Variants in CNTN4 observed in about 807,000 individuals in gnomAD.
The protein encoded by CNTN4 is contactin-4.
CNTN4 carries 77 observed loss-of-function variants against 122.5 expected under a neutral mutation model. The ratio of observed to expected loss-of-function variants is 0.63; its 90% CI spans 0.52 to 0.76. CNTN4 has a LOEUF of 0.76. CNTN4 is among the 30% of genes least tolerant of loss of function. The pLI is 0.00. For synonymous variants in CNTN4, 512 were observed against 447.0 expected (o/e 1.15, Z -1.83); for missense variants, 1,256 against 1,259.1 (o/e 1.00, Z 0.04).
At chr3:2,743,474 A>G (rs1225008007) in intron 5 of CNTN4, among the ~76,000 whole-genome samples, 3 of 152,152 alleles carry the variant, frequency 2.0e-5, no homozygotes, top group Non-Finnish European at 4.4e-5. Context: ...TCATGTTTCT[A>G]TTTCATGCTC....
At chr3:2,990,850 A>G (rs533901084) in intron 14 of CNTN4, among the ~76,000 whole-genome samples, 1 of 152,254 alleles carries the variant, frequency 6.6e-6, no homozygotes, top group Non-Finnish European at 1.5e-5. Context: ...AGTATAGGAT[A>G]TAGTTTTAGG....
At chr3:2,473,767 C>A (rs1413536479) in intron 3 of CNTN4, among the ~76,000 whole-genome samples, 1 of 152,110 alleles carries the variant, frequency 6.6e-6, no homozygotes, top group Non-Finnish European at 1.5e-5. Flanking sequence ...AATCCCAGCA[C>A]TTTGGGAGGC....
chr3:2,783,403 C>T (rs1404376667), intron 6 of CNTN4, among the ~76,000 whole-genome samples: 2 of 152,192 alleles, frequency 1.3e-5, no homozygotes, highest in East Asian at 3.8e-4. Context: ...CTTCCTGTCC[C>T]TCTCCACACT....
At chr3:2,759,995 A>C (rs527404662) in intron 6 of CNTN4, among the ~76,000 whole-genome samples, 1 of 152,238 alleles carries the variant, frequency 6.6e-6, no homozygotes, top group South Asian at 2.1e-4. Flanking sequence ...ACTTCTATTC[A>C]AATCCTTTGC....
chr3:2,946,381 T>A (rs997101234), intron 13 of CNTN4, among the ~76,000 whole-genome samples: 2 of 152,216 alleles, frequency 1.3e-5, no homozygotes, highest in African/African-American at 4.8e-5. Flanking sequence ...ATGGTAAAAC[T>A]GAGGTTAGAT....
At chr3:2,603,805 A>T (rs1410503415) in intron 4 of CNTN4, among the ~76,000 whole-genome samples, 3 of 152,218 alleles carry the variant, frequency 2.0e-5, no homozygotes, top group African/African-American at 7.2e-5. Context: ...TCTTCTGCTT[A>T]ATAGCTTTGT....
At chr3:2,170,533 G>A (rs1036074318) in intron 2 of CNTN4, among the ~76,000 whole-genome samples, 6 of 152,166 alleles carry the variant, frequency 3.9e-5, no homozygotes, top group Non-Finnish European at 7.3e-5. Flanking sequence ...TTCTAAGGAT[G>A]TCACATGTGC....
chr3:2,287,632 GAGAAGA>G (rs1210971247), intron 2 of CNTN4, among the ~76,000 whole-genome samples: 46 of 49,494 alleles, frequency 9.3e-4, no homozygotes, highest in African/African-American at 3.1e-3. Flanking sequence ...GAAGGAGAAG[GAGAAGA>G]AGAAGAAGAA....
Position 2,943,633 on chromosome 3 carries a change from T to A in CNTN4, c.1358+17854T>A, listed in dbSNP as rs865922823. Among the ~76,000 whole-genome samples the A allele has an allele frequency of 2.9e-3, 420 of 144,972 alleles. 4 individuals carry two copies. The highest frequency in any genetic ancestry group is 0.015 in the East Asian group (77 of 5,038). ...ATATTTATATATATATATATATATT[T>A]TTTTTTTTTGAGACGGAGTCTTGCT... On this transcript the variant is annotated intron_variant, in intron 13 of 24. Coordinates refer to ENST00000418658, the MANE Select transcript of CNTN4 (RefSeq NM_175607.3).
At chr3:2,567,081 A>ATTTTTTT (rs373707875) in intron 3 of CNTN4, among the ~76,000 whole-genome samples, 1 of 103,314 alleles carries the variant, frequency 9.7e-6, no homozygotes. Context: ...CAAGTCCAGA[A>ATTTTTTT]TTTTTTTTTT....
At chr3:2,544,516 A>G (rs758316113) in intron 3 of CNTN4, among the ~76,000 whole-genome samples, 1 of 152,146 alleles carries the variant, frequency 6.6e-6, no homozygotes, top group African/African-American at 2.4e-5. Context: ...AATAAAAACA[A>G]TATGAGTTTC....
intron 14 of CNTN4, among the ~76,000 whole-genome samples, chr3:3,009,898 C>T (rs1697053288): frequency 6.6e-6 from 1 of 151,224 alleles, no homozygotes; most frequent in South Asian, 2.1e-4. Flanking sequence ...GGGCCATTTC[C>T]TTGTGGAACT....
At chr3:2,347,853 C>CT (rs149954209) in intron 3 of CNTN4, among the ~76,000 whole-genome samples, 19,239 of 151,398 alleles carry the variant, frequency 0.13, 1,514 homozygotes, top group Non-Finnish European at 0.18. Flanking sequence ...TTTGGTTTAT[C>CT]TTTTTTTTAA....
intron 3 of CNTN4, among the ~76,000 whole-genome samples, chr3:2,532,769 G>A (rs879598616): frequency 3.9e-5 from 6 of 152,088 alleles, no homozygotes; most frequent in Non-Finnish European, 8.8e-5. Context: ...ACTCTTTCGT[G>A]TCATACAGTA....
chr3:2,913,700 C>T (rs982467312), intron 12 of CNTN4, among the ~76,000 whole-genome samples: 20 of 152,078 alleles, frequency 1.3e-4, no homozygotes, highest in Non-Finnish European at 2.6e-4. Context: ...GAAATAGCAG[C>T]ACAATAGTAG....
chr3:2,327,513 T>C (rs1210224698), intron 2 of CNTN4, among the ~76,000 whole-genome samples: 1 of 152,218 alleles, frequency 6.6e-6, no homozygotes, highest in African/African-American at 2.4e-5. Context: ...TCTCCCTCTT[T>C]AGGAAAGAAA....
At chr3:2,465,660 C>G (rs958744136) in intron 3 of CNTN4, among the ~76,000 whole-genome samples, 1 of 151,984 alleles carries the variant, frequency 6.6e-6, no homozygotes, top group Non-Finnish European at 1.5e-5. Flanking sequence ...CTAGGCGACA[C>G]AGCGAGACTC....
At chr3:2,982,887 A>G (rs1420333172) in intron 13 of CNTN4, among the ~76,000 whole-genome samples, 12 of 152,082 alleles carry the variant, frequency 7.9e-5, no homozygotes, top group Non-Finnish European at 1.6e-4. Flanking sequence ...TGAGCTTGAG[A>G]ACAAAAACAA....
chr3:2,738,528 A>G (rs796452816), intron 5 of CNTN4, among the ~76,000 whole-genome samples: 7 of 152,326 alleles, frequency 4.6e-5, no homozygotes, highest in African/African-American at 1.4e-4. Flanking sequence ...GAGCTGAGCT[A>G]CAAGAATAAA....
Sources: allele counts gnomAD v4.1 joint callset (sites outside exome capture counted in the v4.1 genomes callset), GRCh38; gene constraint gnomAD v4.1.1; transcripts MANE v1.5; gene names NCBI Gene and HGNC (gene_info 2026-07-23, HGNC 2026-07-21).